The following ATP1B1 variants were observed in gnomAD, a reference collection of about 807,000 sequenced individuals.
The protein encoded by ATP1B1 is sodium/potassium-transporting ATPase subunit beta-1.
In ATP1B1, 3 loss-of-function variants were observed where a neutral mutation model predicts 39.6. The observed-to-expected ratio is 0.08, with a 90% CI of 0.03 to 0.20. ATP1B1 has a LOEUF of 0.20. Ranked by LOEUF, ATP1B1 falls within the 10% of genes least tolerant of loss-of-function variation. The probability of loss-of-function intolerance (pLI) is 1.00; values close to 1 mark genes in which losing one functional copy is unlikely to be tolerated. For missense variants in ATP1B1, 216 were observed against 371.1 expected (o/e 0.58, Z 3.43); for synonymous variants, 139 against 135.0 (o/e 1.03, Z -0.20).
chr1:169,112,159 A>G (rs903865937), intron 2 of ATP1B1, among the ~76,000 whole-genome samples: 1 of 152,244 alleles, frequency 6.6e-6, no homozygotes, highest in Non-Finnish European at 1.5e-5. Context: ...TTGTAGTTTA[A>G]TTAACTGTCT....
chr1:169,127,641 G>A (rs937610753), intron 4 of ATP1B1, among the ~76,000 whole-genome samples: 6 of 152,154 alleles, frequency 3.9e-5, no homozygotes, highest in Admixed American at 3.3e-4. Context: ...GCATTCTGAA[G>A]TGAGTCTGTG....
intron 1 of ATP1B1, chr1:169,110,587 G>A: frequency 8.6e-6 from 2 of 231,220 alleles, no homozygotes; most frequent in Non-Finnish European, 1.1e-5. Flanking sequence ...TTTTTTTTTT[G>A]CTTTTGCAGC....
chr1:169,129,600 A>C (rs1658160753), intron 4 of ATP1B1, among the ~76,000 whole-genome samples: 1 of 152,244 alleles, frequency 6.6e-6, no homozygotes, highest in Non-Finnish European at 1.5e-5. Context: ...TTTATTCATG[A>C]CTCAGGAGGA....
chr1:169,115,211 G>A (rs1296261259), intron 2 of ATP1B1, among the ~76,000 whole-genome samples: 2 of 122,632 alleles, frequency 1.6e-5, no homozygotes, highest in Admixed American at 1.8e-4. Flanking sequence ...AAAAAAAAGG[G>A]GGGTGGGGAA....
chr1:169,109,260 CTG>C (rs1481726761), intron 1 of ATP1B1, among the ~76,000 whole-genome samples: 1 of 152,132 alleles, frequency 6.6e-6, no homozygotes, highest in Non-Finnish European at 1.5e-5. Flanking sequence ...AAAAAAACCT[CTG>C]TATTACTTTT....
chr1:169,110,712 C>G (rs767542102), intron 1 of ATP1B1: 1 of 1,272,652 alleles, frequency 7.9e-7, no homozygotes, highest in South Asian at 1.3e-5. Context: ...ATGTGCTGGT[C>G]ATTTTCACTA....
chr1:169,127,512 T>C (rs902841476), intron 4 of ATP1B1, 104 bp downstream of exon 4: 9 of 1,287,944 alleles, frequency 7.0e-6, no homozygotes, highest in African/African-American at 3.1e-5. Flanking sequence ...TACTCAGTGC[T>C]GACTTTGAAA....
chr1:169,118,341 A>C (rs1657898713), intron 2 of ATP1B1, among the ~76,000 whole-genome samples: 1 of 152,142 alleles, frequency 6.6e-6, no homozygotes, highest in South Asian at 2.1e-4. Flanking sequence ...GTTTTCTAAG[A>C]CTTTGTAAAG....
At chr1:169,112,932 AT>A (rs2101776228) in intron 2 of ATP1B1, among the ~76,000 whole-genome samples, 1 of 152,240 alleles carries the variant, frequency 6.6e-6, no homozygotes, top group South Asian at 2.1e-4. Flanking sequence ...ATAGGGAAGC[AT>A]TGTGTCTTTT....
At chr1:169,126,995 T>C (rs1658100528) in intron 3 of ATP1B1, among the ~76,000 whole-genome samples, 1 of 152,206 alleles carries the variant, frequency 6.6e-6, no homozygotes, top group South Asian at 2.1e-4. Flanking sequence ...ACTATGAAGC[T>C]TTGGTGTGGG....
At chr1:169,123,687 C>T (rs1271050124) in intron 2 of ATP1B1, among the ~76,000 whole-genome samples, 1 of 151,208 alleles carries the variant, frequency 6.6e-6, no homozygotes, top group East Asian at 1.9e-4. Context: ...AGTGCAGTGG[C>T]ACGATCTTGG....
At position 169,115,739 on chromosome 1, in the gene ATP1B1, C is replaced by A. The variant is rs150941914; in HGVS notation, c.226+4241C>A. On this transcript the variant is annotated intron_variant, in intron 2 of 5. Coordinates refer to ENST00000367815, the MANE Select transcript of ATP1B1 (RefSeq NM_001677.4). ...CCAGATATGACAGGGATGCTTTGCACACTTAGATTTTCATGGAGTCAATAA... is the reference window on the plus strand; with the variant it reads ...CCAGATATGACAGGGATGCTTTGCAAACTTAGATTTTCATGGAGTCAATAA... Among the ~76,000 whole-genome samples the A allele has an allele frequency of 3.3e-5, 5 of 152,328 alleles. No individual in the cohort carries two copies. The East Asian group carries it at 9.6e-4, about 29-fold the overall frequency.
chr1:169,123,585 C>CTATA lies in ATP1B1; in HGVS notation c.227-1287_227-1284dup, dbSNP rs377350232. On this transcript the variant is annotated intron_variant, in intron 2 of 5. Coordinates refer to ENST00000367815, the MANE Select transcript of ATP1B1 (RefSeq NM_001677.4). Reference sequence around the variant, plus strand: ...TTTCAGTTAAACTATATCTCTCTCTCTATATATATATATATTTATATATAT... The same window carrying CTATA: ...TTTCAGTTAAACTATATCTCTCTCTCTATATATATATATATATATTTATATATAT... 2.1e-3 allele frequency among the ~76,000 whole-genome samples: 292 copies of CTATA among 137,950 alleles called. 3 individuals carry two copies. Among genetic ancestry groups the CTATA allele is most frequent in the African/African-American group, 7.4e-3 (285 of 38,724 alleles). The allele number at this position is 137,950 out of a possible 152,430, so 90.5% of individuals were successfully genotyped here.
chr1:169,129,979 A>G, intron 4 of ATP1B1, 31 bp from the exon 5 acceptor site: 1 of 1,598,930 alleles, frequency 6.3e-7, no homozygotes, highest in Non-Finnish European at 8.6e-7. Context: ...ATCATTTACA[A>G]TCTACTGATC....
At position 169,106,767 on chromosome 1, in the gene ATP1B1, G is replaced by T; in HGVS notation, c.-63G>T. On this transcript the variant is annotated 5_prime_UTR_variant, in exon 1 of 6. Transcript: ENST00000367815. ...GGAGAAGCCGAGCGGCGCAGAGGAC[G>T]CCAGGGCGCGCGCCGCAGCCACCCA... The T allele has an allele frequency of 1.4e-6, 2 of 1,395,752 alleles. No homozygotes were observed. Among genetic ancestry groups the T allele is most frequent in the South Asian group, 1.3e-5 (1 of 77,772 alleles). 86.5% of individuals were successfully genotyped at this position (1,395,752 alleles called of 1,614,324 possible).
chr1:169,130,277 G>T (rs1658180194), intron 5 of ATP1B1, among the ~76,000 whole-genome samples, 187 bp downstream of exon 5: 1 of 152,154 alleles, frequency 6.6e-6, no homozygotes, highest in Non-Finnish European at 1.5e-5. Flanking sequence ...AGAACAGAAA[G>T]ATGTAATCAG....
intron 5 of ATP1B1, among the ~76,000 whole-genome samples, chr1:169,130,779 C>CAAAAAAA (rs57542049): frequency 1.4e-5 from 1 of 73,994 alleles, no homozygotes; most frequent in East Asian, 3.9e-4. Flanking sequence ...AAGACTATCT[C>CAAAAAAA]AAAAAAAAAA....
intron 1 of ATP1B1, chr1:169,110,733 T>C (rs976493315): frequency 8.1e-7 from 1 of 1,238,002 alleles, no homozygotes; most frequent in Non-Finnish European, 1.1e-6. Flanking sequence ...TAGAATTTTC[T>C]TTTTTTCCCC....
intron 2 of ATP1B1, among the ~76,000 whole-genome samples, chr1:169,123,043 A>T (rs568313892): frequency 9.2e-5 from 14 of 152,302 alleles, no homozygotes; most frequent in Non-Finnish European, 1.6e-4. Context: ...AGCCCACCTC[A>T]TTATGTAACC....
Sources: gnomAD v4.1 joint callset for allele counts (sites outside exome capture counted in the v4.1 genomes callset) on GRCh38, gnomAD v4.1.1 for gene constraint, MANE v1.5 for transcripts, NCBI Gene and HGNC (gene_info 2026-07-23, HGNC 2026-07-21) for gene names.